The following CYP46A1 variants were observed in gnomAD, a reference collection of about 807,000 sequenced individuals.
CYP46A1 encodes the protein cholesterol 24-hydroxylase.
Under a neutral mutation model 63.3 loss-of-function variants are expected in CYP46A1, and 20 were observed. The ratio of observed to expected loss-of-function variants is 0.32; its 90% CI spans 0.22 to 0.46. CYP46A1 has a LOEUF of 0.46. CYP46A1 is among the 20% of genes least tolerant of loss of function. The pLI, the probability that CYP46A1 is intolerant of heterozygous loss-of-function variation, is 1.00. For synonymous variants in CYP46A1, 268 were observed against 273.6 expected (o/e 0.98, Z 0.20); for missense variants, 445 against 670.8 (o/e 0.66, Z 3.72).
chr14:99,702,719 T>C (rs1012237270), intron 5 of CYP46A1, among the ~76,000 whole-genome samples: 3 of 152,118 alleles, frequency 2.0e-5, no homozygotes, highest in Non-Finnish European at 4.4e-5. Context: ...TTTTATATAG[T>C]ACATATTTTA....
chr14:99,715,758 A>G (rs370244731), intron 7 of CYP46A1, 52 bp from the exon 8 acceptor site: 270 of 1,611,124 alleles, frequency 1.7e-4, no homozygotes, highest in Non-Finnish European at 1.7e-5. Context: ...GGGAGAGGGG[A>G]GAGGGAACAT....
At chr14:99,708,912 C>T (rs1455085763) in intron 7 of CYP46A1, 1 of 152,242 alleles carries the variant, frequency 6.6e-6, no homozygotes. Flanking sequence ...CCTCCACTAA[C>T]AATGACAGTC....
At chr14:99,721,345 C>G in intron 11 of CYP46A1, 22 bp downstream of exon 11, 1 of 1,522,642 alleles carries the variant, frequency 6.6e-7, no homozygotes, top group East Asian at 2.2e-5. Context: ...AGGAGGGAAG[C>G]TTCTGGGCGG....
At chr14:99,723,455 C>A (rs1465377443) in intron 12 of CYP46A1, among the ~76,000 whole-genome samples, 4 of 152,098 alleles carry the variant, frequency 2.6e-5, no homozygotes, top group Non-Finnish European at 5.9e-5. Flanking sequence ...ACTACAGGTG[C>A]ACACCCCCAC....
At chr14:99,711,582 G>A (rs1188340513) in intron 7 of CYP46A1, 1 of 152,042 alleles carries the variant, frequency 6.6e-6, no homozygotes, top group East Asian at 1.9e-4. Context: ...GAACAAAGAA[G>A]AAATAGAAAA....
chr14:99,721,189 CGG>C, intron 10 of CYP46A1, 48 bp from the exon 11 acceptor site: 1 of 1,396,682 alleles, frequency 7.2e-7, no homozygotes, highest in Non-Finnish European at 1.0e-6. Context: ...CTAAGTAAGT[CGG>C]GGACAGGCTC....
At chr14:99,687,766 G>C (rs572775098) in intron 1 of CYP46A1, among the ~76,000 whole-genome samples, 2 of 152,262 alleles carry the variant, frequency 1.3e-5, no homozygotes, top group East Asian at 1.9e-4. Flanking sequence ...GGGGTGGTGG[G>C]CGGTGGGGGA....
intron 5 of CYP46A1, 34 bp from the exon 6 acceptor site, chr14:99,706,613 C>T: frequency 1.2e-6 from 2 of 1,610,706 alleles, no homozygotes; most frequent in Non-Finnish European, 1.7e-6. Flanking sequence ...ATTGGGCTGG[C>T]CAGTGGCCGT....
At chr14:99,693,403 G>A (rs1314810375) in intron 3 of CYP46A1, among the ~76,000 whole-genome samples, 1 of 152,214 alleles carries the variant, frequency 6.6e-6, no homozygotes, top group Non-Finnish European at 1.5e-5. Context: ...GATGCTTAAT[G>A]AGAAAAGAAG....
Position 99,725,271 on chromosome 14 carries a change from T to TG in CYP46A1, c.1177-114dup. On this transcript the variant is annotated intron_variant, in intron 12 of 14. Transcript: ENST00000261835. The surrounding 1 kb of genome is among the most constrained non-coding windows in gnomAD (Gnocchi z 4.2). Reference sequence around the variant, plus strand: ...CCAACCTAGATGAGGGGTGAAGACATGGGGGGAGGAGAGTGGGACCCACTC... The same window carrying TG: ...CCAACCTAGATGAGGGGTGAAGACATGGGGGGGAGGAGAGTGGGACCCACTC... 2 of 717,732 alleles carry TG rather than the reference T, an allele frequency of 2.8e-6. No homozygotes were observed. The allele number at this position is 717,732 out of a possible 1,614,324, so 44.5% of individuals were successfully genotyped here. A position where few individuals can be genotyped will look rare whatever the true frequency, so the allele number is the denominator to read the frequency against.
chr14:99,687,660 G>A (rs1223368201), intron 1 of CYP46A1, among the ~76,000 whole-genome samples: 4 of 152,136 alleles, frequency 2.6e-5, no homozygotes, highest in Admixed American at 1.3e-4. Flanking sequence ...GCCTCTCCTC[G>A]TTCACTGGCC....
chr14:99,717,905 C>T (rs1211881682), intron 9 of CYP46A1, 149 bp from the exon 10 acceptor site: 10 of 600,146 alleles, frequency 1.7e-5, no homozygotes, highest in East Asian at 2.9e-5. Flanking sequence ...GAGACCTAGA[C>T]GATGGTTCAA....
intron 7 of CYP46A1, chr14:99,710,574 A>G (rs2056720284): frequency 6.6e-6 from 1 of 152,194 alleles, no homozygotes; most frequent in Non-Finnish European, 1.5e-5. Flanking sequence ...AACTGTAAAA[A>G]GAGACAAGGT....
At chr14:99,706,813 C>T in intron 6 of CYP46A1, 28 bp downstream of exon 6, 1 of 1,607,984 alleles carries the variant, frequency 6.2e-7, no homozygotes, top group Admixed American at 1.7e-5. Context: ...GGCATGGGGG[C>T]CAGGAGGGCC....
At chr14:99,688,828 G>A (rs544613751) in intron 1 of CYP46A1, among the ~76,000 whole-genome samples, 95 of 151,866 alleles carry the variant, frequency 6.3e-4, no homozygotes, top group African/African-American at 2.2e-3. Flanking sequence ...CCATGTTGTC[G>A]CACCCAGCCG....
chr14:99,688,586 A>G (rs990189997), intron 1 of CYP46A1, among the ~76,000 whole-genome samples: 1 of 151,996 alleles, frequency 6.6e-6, no homozygotes, highest in African/African-American at 2.4e-5. Context: ...CCCACCTCCA[A>G]ATCAGCACTT....
chr14:99,685,584 C>T (rs897299449), intron 1 of CYP46A1, among the ~76,000 whole-genome samples: 3 of 151,854 alleles, frequency 2.0e-5, no homozygotes, highest in South Asian at 2.1e-4. Flanking sequence ...CAGTGCCTGG[C>T]GTGTTGCAGA....
At chr14:99,718,705 C>T (rs2056815582) in intron 10 of CYP46A1, among the ~76,000 whole-genome samples, 2 of 152,188 alleles carry the variant, frequency 1.3e-5, no homozygotes, top group African/African-American at 2.4e-5. Flanking sequence ...TCTCTGAATG[C>T]ACCAACAGGC....
At position 99,684,547 on chromosome 14, in the gene CYP46A1, C is replaced by T. The variant is rs999291487; in HGVS notation, c.119+11C>T. The T allele has an allele frequency of 1.4e-6, 2 of 1,451,284 alleles. No individual in the cohort carries two copies. Among genetic ancestry groups the T allele is most frequent in the African/African-American group, 3.0e-5 (2 of 67,074 alleles). The allele number at this position is 1,451,284 out of a possible 1,614,324, so 89.9% of individuals were successfully genotyped here. On this transcript the variant is annotated intron_variant, in intron 1 of 14. Transcript: ENST00000261835. ...GCCGCCGCGGCCCAGGTGAGCGGGG[C>T]TGGGGGCGGGGCCTGGCTGGGGTGC...
Sources: gnomAD v4.1 joint callset for allele counts (sites outside exome capture counted in the v4.1 genomes callset) on GRCh38, gnomAD v4.1.1 for gene constraint, Gnocchi (gnomAD v3.1) non-coding constraint, MANE v1.5 for transcripts, NCBI Gene and HGNC (gene_info 2026-07-23, HGNC 2026-07-21) for gene names.